RBM22: variants seen among roughly 807,000 people sequenced by gnomAD.
RBM22 encodes the protein pre-mRNA-splicing factor RBM22.
A neutral mutation model predicts 50.1 loss-of-function variants in RBM22; 1 was observed. The observed-to-expected ratio is 0.02, with a 90% CI of 0.01 to 0.09. RBM22 has a LOEUF of 0.09. Among genes scored for constraint, RBM22 ranks in the 10% least tolerant of loss-of-function variants. RBM22 has a pLI of 1.00. For missense variants in RBM22, 264 were observed against 529.3 expected (o/e 0.50, Z 4.92); for synonymous variants, 152 against 179.0 (o/e 0.85, Z 1.20).
chr5:150,700,789 G>C (rs922037397), intron 1 of RBM22, 143 bp downstream of exon 1: 18 of 1,571,224 alleles, frequency 1.1e-5, no homozygotes, highest in Non-Finnish European at 1.5e-5. Context: ...ATCGCCCTCC[G>C]CCCTCCTGCT....
rs1561678625 is a variant in RBM22 at position 150,696,113 on chromosome 5, A to G, written c.546-407T>C. 1.3e-5 allele frequency among the ~76,000 whole-genome samples: 2 copies of G among 151,494 alleles called. No individual in the cohort carries two copies. Among genetic ancestry groups the G allele is most frequent in the Admixed American group, 6.6e-5 (1 of 15,156 alleles). The stretch of plus-strand genomic sequence containing the variant: ...ACCTCGCCCCAGAGAAAGCACATAC[A>G]TTATTTTTTAGGGGGTGGGGTTAAC... On this transcript the variant is annotated intron_variant, in intron 6 of 10. Coordinates refer to ENST00000199814, the MANE Select transcript of RBM22 (RefSeq NM_018047.3). The surrounding 1 kb of genome is among the most constrained non-coding windows in gnomAD (Gnocchi z 4.3).
chr5:150,694,225 C>T lies in RBM22; in HGVS notation c.762G>A (p.Gln254=). Residue 254 remains glutamine (Q), a synonymous_variant, in exon 8 of 11, where the codon CAG becomes CAA. Transcript: ENST00000199814. ...CAGTGATCGTCCGGATCTCTCCGAA[C>T]TGGTAGAAATGATTTCTGAAGGGAA... ...TETDLRNHFY[Q]FGEIRTITVV... is the part of the protein sequence containing the mutation. 1 of 1,611,434 alleles carries T rather than the reference C, an allele frequency of 6.2e-7. No homozygotes were observed. Among genetic ancestry groups the T allele is most frequent in the Admixed American group, 1.7e-5 (1 of 59,418 alleles).
At chr5:150,692,072 C>G (rs912618940) in intron 10 of RBM22, among the ~76,000 whole-genome samples, 191 bp from the exon 11 acceptor site, 2 of 152,088 alleles carry the variant, frequency 1.3e-5, no homozygotes, top group Non-Finnish European at 2.9e-5. Context: ...CCCCACAGTC[C>G]AAAAAACTCC....
chr5:150,694,316 C>T, intron 7 of RBM22, 76 bp from the exon 8 acceptor site: 11 of 1,512,876 alleles, frequency 7.3e-6, no homozygotes, highest in Non-Finnish European at 8.0e-6. Context: ...AATGGATTAA[C>T]TTTCACTGAC....
At chr5:150,691,972 C>A in intron 10 of RBM22, 91 bp from the exon 11 acceptor site, 1 of 1,298,980 alleles carries the variant, frequency 7.7e-7, no homozygotes, top group Non-Finnish European at 1.0e-6. Context: ...AAACCACCTA[C>A]ACATAAATCA....
Position 150,696,851 on chromosome 5 carries a change from T to C in RBM22, c.312A>G (p.Lys104=). ...TGACATCTGACTTTGGCATGTCATC[T>C]TTAAAAGACAATCCTGCGTCACGAA... ...IQVRDAGLSF[K]DDMPKSDVNK... The change falls in exon 5 of 11, where the codon AAA becomes AAG. Residue 104 remains lysine (K), a synonymous_variant. Transcript: ENST00000199814. The surrounding 1 kb of genome is among the most constrained non-coding windows in gnomAD (Gnocchi z 4.3). 2 of 1,614,252 alleles carry C rather than the reference T, an allele frequency of 1.2e-6. No individual in the cohort carries two copies. Among genetic ancestry groups the C allele is most frequent in the Non-Finnish European group, 1.7e-6 (2 of 1,180,052 alleles).
In RBM22 at chr5:150,701,053, C is replaced by A; in HGVS notation, c.-68G>T. On this transcript the variant is annotated 5_prime_UTR_variant, in exon 1 of 11. Transcript: ENST00000199814. ...AGAGGACCGCCACAATCCCGTCAAG[C>A]CCCGAGGCTAGCGCCGCGCCGGTCG... The A allele has an allele frequency of 6.2e-7, 1 of 1,605,338 alleles. No homozygotes were observed. The highest frequency in any genetic ancestry group is 8.5e-7 in the Non-Finnish European group (1 of 1,172,408).
intron 9 of RBM22, 80 bp from the exon 10 acceptor site, chr5:150,693,106 G>A (rs1759230477): frequency 2.6e-6 from 4 of 1,545,554 alleles, no homozygotes; most frequent in Non-Finnish European, 3.5e-6. Context: ...CATTCTCAGA[G>A]GTCCTACTGG....
At chr5:150,700,726 G>A (rs1447733821) in intron 1 of RBM22, 6 of 1,535,920 alleles carry the variant, frequency 3.9e-6, no homozygotes. Flanking sequence ...GGATGGAAAG[G>A]GTGCTGGTCC....
intron 4 of RBM22, among the ~76,000 whole-genome samples, 163 bp downstream of exon 4, chr5:150,698,336 A>G (rs1311359400): frequency 2.6e-5 from 4 of 152,188 alleles, no homozygotes; most frequent in South Asian, 4.1e-4. Context: ...TCAGGACTCT[A>G]GAGTGGCCTA....
In RBM22 at chr5:150,698,487, G is replaced by C; in HGVS notation, c.271+12C>G. On this transcript the variant is annotated intron_variant, in intron 4 of 10. Coordinates refer to ENST00000199814, the MANE Select transcript of RBM22 (RefSeq NM_018047.3). ...TGCACACTTTCAGATTTATTGGACA[G>C]GTCAAACATACCATACTCTAGGTCT... The C allele has an allele frequency of 1.2e-6, 2 of 1,613,298 alleles. No individual in the cohort carries two copies. Among genetic ancestry groups the C allele is most frequent in the Non-Finnish European group, 1.7e-6 (2 of 1,179,634 alleles).
chr5:150,695,047 G>T (rs1428735919), intron 7 of RBM22, among the ~76,000 whole-genome samples: 1 of 152,192 alleles, frequency 6.6e-6, no homozygotes, highest in Non-Finnish European at 1.5e-5. Flanking sequence ...TTGGTTCTGA[G>T]ACAGGGTCTC....
rs763153854 is a variant in RBM22, at chr5:150,699,280, G to GA, written c.109-10dup. ...CCATACTTTTCTTTGGTCTATAATA[G>GA]AAAAAAAATAGAAAAGAACTGGAGT... On this transcript the variant is annotated splice_polypyrimidine_tract_variant and intron_variant, in intron 2 of 10. Transcript: ENST00000199814. 43 of 1,561,022 alleles carry GA rather than the reference G, an allele frequency of 2.8e-5. No individual in the cohort carries two copies. Among genetic ancestry groups the GA allele is most frequent in the Middle Eastern group, 3.4e-4 (2 of 5,880 alleles).
At chr5:150,700,894 G>A in intron 1 of RBM22, 38 bp downstream of exon 1, 1 of 1,614,176 alleles carries the variant, frequency 6.2e-7, no homozygotes, top group South Asian at 1.1e-5. Flanking sequence ...GCGCGGCTTC[G>A]CCTCCTCCTT....
At chr5:150,694,450 A>C (rs1470718690) in intron 7 of RBM22, 2 of 736,298 alleles carry the variant, frequency 2.7e-6, no homozygotes, top group Non-Finnish European at 3.9e-6. Context: ...GAGTAAATAA[A>C]GGTTCTCAAA....
intron 1 of RBM22, 45 bp from the exon 2 acceptor site, chr5:150,700,542 C>T: frequency 1.2e-6 from 2 of 1,613,386 alleles, no homozygotes; most frequent in South Asian, 1.1e-5. Context: ...CTCCGAAGAC[C>T]CTGACACCTC....
chr5:150,692,668 CT>C (rs1290548096), intron 10 of RBM22, among the ~76,000 whole-genome samples: 5 of 152,282 alleles, frequency 3.3e-5, no homozygotes, highest in African/African-American at 1.2e-4. Flanking sequence ...ATCTAATAAT[CT>C]TACTCTGCTG....
intron 3 of RBM22, 85 bp downstream of exon 3, chr5:150,699,157 C>T: frequency 2.0e-6 from 3 of 1,510,018 alleles, no homozygotes; most frequent in Middle Eastern, 1.9e-4. Flanking sequence ...ACTGGAAGAC[C>T]TCAAAACTTA....
rs929867133 is a variant in RBM22 at position 150,700,866 on chromosome 5, C to T, written c.54+66G>A. On this transcript the variant is annotated intron_variant, in intron 1 of 10. Transcript: ENST00000199814. The stretch of plus-strand genomic sequence containing the variant: ...CCTTCGGCCGCGCCGCAGGCCCTGT[C>T]CTGCCAGCTTGCAAGGTGCGCGGCT... 1.9e-6 allele frequency: 3 copies of T among 1,613,782 alleles called. No individual in the cohort carries two copies. The African/African-American group carries it at 4.0e-5, about 22-fold the overall frequency.
Sources: gnomAD v4.1 joint callset for allele counts (sites outside exome capture counted in the v4.1 genomes callset) on GRCh38, gnomAD v4.1.1 for gene constraint, Gnocchi (gnomAD v3.1) non-coding constraint, MANE v1.5 for transcripts, NCBI Gene and HGNC (gene_info 2026-07-23, HGNC 2026-07-21) for gene names.